TMEM108: variants seen among roughly 807,000 people sequenced by gnomAD.
TMEM108 encodes cancer/testis antigen 124.
TMEM108 carries 12 observed loss-of-function variants against 35.1 expected under a neutral mutation model. The ratio of observed to expected loss-of-function variants is 0.34; its 90% CI spans 0.22 to 0.55. The LOEUF is 0.55. Among genes scored for constraint, TMEM108 ranks in the 20% least tolerant of loss-of-function variants. The pLI, the probability that TMEM108 is intolerant of heterozygous loss-of-function variation, is 0.89. For synonymous variants in TMEM108, 287 were observed against 308.6 expected, an observed-to-expected ratio of 0.93 and a Z score of 0.73; for missense variants, 680 against 753.3, an observed-to-expected ratio of 0.90 and a Z score of 1.14.
intron 2 of TMEM108, among the ~76,000 whole-genome samples, chr3:133,205,599 A>C (rs1429587459): frequency 6.6e-6 from 1 of 151,944 alleles, no homozygotes; most frequent in East Asian, 1.9e-4. Flanking sequence ...CTGGGTTGAA[A>C]ATTCTTTAAG....
intron 4 of TMEM108, 53 bp downstream of exon 4, chr3:133,381,214 A>C: frequency 4.0e-6 from 6 of 1,512,976 alleles, no homozygotes; most frequent in Non-Finnish European, 5.3e-6. Context: ...TCACTGGCTC[A>C]ACCCCAGCAT....
intron 3 of TMEM108, among the ~76,000 whole-genome samples, chr3:133,305,515 A>AAAAT (rs150891344): frequency 0.3 from 45,667 of 150,918 alleles, 7,592 homozygotes; most frequent in East Asian, 0.43. Context: ...AAAGTATAAT[A>AAAAT]AAATAAATAA....
intron 2 of TMEM108, among the ~76,000 whole-genome samples, chr3:133,169,350 T>C (rs1018008647): frequency 1.9e-5 from 2 of 103,750 alleles, no homozygotes; most frequent in African/African-American, 7.1e-5. Context: ...CATGTATTTC[T>C]TTTGTAGTCA....
At chr3:133,329,991 G>A (rs1210695210) in intron 3 of TMEM108, among the ~76,000 whole-genome samples, 1 of 152,072 alleles carries the variant, frequency 6.6e-6, no homozygotes, top group Non-Finnish European at 1.5e-5. Context: ...GTTTCCACCT[G>A]TCTTTTTATG....
At chr3:133,077,669 C>T (rs1336317089) in intron 2 of TMEM108, among the ~76,000 whole-genome samples, 1 of 152,182 alleles carries the variant, frequency 6.6e-6, no homozygotes, top group Non-Finnish European at 1.5e-5. Flanking sequence ...AAGCACTTTC[C>T]CTTTTCTGTT....
intron 2 of TMEM108, among the ~76,000 whole-genome samples, chr3:133,101,393 C>G (rs932226393): frequency 1.3e-5 from 2 of 152,222 alleles, no homozygotes; most frequent in African/African-American, 4.8e-5. Flanking sequence ...TCTCCAAGCA[C>G]TTTCCATATT....
chr3:133,077,172 G>A (rs941014752), intron 2 of TMEM108, among the ~76,000 whole-genome samples: 30 of 152,194 alleles, frequency 2.0e-4, no homozygotes, highest in African/African-American at 6.0e-4. Flanking sequence ...GTACCTGGCC[G>A]TTTGGGGCTG....
chr3:133,307,864 A>G (rs58632460), intron 3 of TMEM108, among the ~76,000 whole-genome samples: 1,922 of 152,208 alleles, frequency 0.013, 48 homozygotes, highest in African/African-American at 0.043. Flanking sequence ...GTTTCATATG[A>G]ACTTTAAAGT....
At chr3:133,058,607 G>T (rs1943501139) in intron 2 of TMEM108, among the ~76,000 whole-genome samples, 2 of 152,250 alleles carry the variant, frequency 1.3e-5, no homozygotes, top group Admixed American at 1.3e-4. Context: ...GAACGCACTT[G>T]AGGGGTGAGA....
At chr3:133,202,007 T>C (rs760306019) in intron 2 of TMEM108, among the ~76,000 whole-genome samples, 15 of 152,230 alleles carry the variant, frequency 9.9e-5, no homozygotes, top group South Asian at 8.3e-4. Flanking sequence ...TGGCATGATA[T>C]GATATCTCAT....
intron 2 of TMEM108, among the ~76,000 whole-genome samples, chr3:133,177,255 A>T (rs899501642): frequency 1.2e-4 from 18 of 152,206 alleles, no homozygotes; most frequent in African/African-American, 4.3e-4. Context: ...AGCTGGTACC[A>T]TTCCTTCTGA....
intron 2 of TMEM108, among the ~76,000 whole-genome samples, chr3:133,134,790 TTC>T (rs1224618585): frequency 6.6e-6 from 1 of 152,044 alleles, no homozygotes; most frequent in Non-Finnish European, 1.5e-5. Context: ...ACCTCCCCGC[TTC>T]TGAGTCTGTA....
chr3:133,079,906 T>G (rs1326109300), intron 2 of TMEM108, among the ~76,000 whole-genome samples: 1 of 152,112 alleles, frequency 6.6e-6, no homozygotes, highest in Non-Finnish European at 1.5e-5. Context: ...TAAAGGAGCT[T>G]CTGGGTGGAG....
chr3:133,158,181 T>C (rs962158239), intron 2 of TMEM108, among the ~76,000 whole-genome samples: 5 of 152,038 alleles, frequency 3.3e-5, no homozygotes, highest in Non-Finnish European at 5.9e-5. Flanking sequence ...TAGAAACTGG[T>C]TAGATGGGCT....
chr3:133,041,880 A>C (rs1943280607), intron 1 of TMEM108: 1 of 152,230 alleles, frequency 6.6e-6, no homozygotes, highest in Non-Finnish European at 1.5e-5. Context: ...TGAAGACAGC[A>C]GTGAGAGTAT....
In TMEM108 at chr3:133,258,461, G is replaced by A. The variant is rs182092649; in HGVS notation, c.40+29110G>A. Reference sequence around the variant, plus strand: ...AGGAGCCAGCTGCCCACACCACCTCGCTTTTGATAAAGTTGGATGGAGGGG... The same window carrying A: ...AGGAGCCAGCTGCCCACACCACCTCACTTTTGATAAAGTTGGATGGAGGGG... On this transcript the variant is annotated intron_variant, in intron 3 of 5. Coordinates refer to ENST00000321871, the MANE Select transcript of TMEM108 (RefSeq NM_023943.4). Among the ~76,000 whole-genome samples, 1,237 of 152,286 alleles carry A rather than the reference G, an allele frequency of 8.1e-3. 3 individuals carry two copies. Among genetic ancestry groups the A allele is most frequent in the Non-Finnish European group, 9.6e-3 (650 of 68,020 alleles).
At chr3:133,329,031 G>C (rs2071363602) in intron 3 of TMEM108, among the ~76,000 whole-genome samples, 2 of 151,464 alleles carry the variant, frequency 1.3e-5, no homozygotes, top group African/African-American at 4.9e-5. Flanking sequence ...ACCCCTGCAG[G>C]CTGCCTAAGA....
At chr3:133,342,556 A>ATATATATATATATATATATATATACACC in intron 3 of TMEM108, among the ~76,000 whole-genome samples, 1 of 47,452 alleles carries the variant, frequency 2.1e-5, no homozygotes, top group Middle Eastern at 9.4e-3. Context: ...ATATATATAT[A>ATATATATATATATATATATATATACACC]CACACACACA....
chr3:133,394,702 C>T (rs1473132737), intron 5 of TMEM108, among the ~76,000 whole-genome samples: 1 of 152,202 alleles, frequency 6.6e-6, no homozygotes, highest in African/African-American at 2.4e-5. Flanking sequence ...ATGGCTGGCC[C>T]CATATCCACC....
Sources: gnomAD v4.1 joint callset for allele counts (sites outside exome capture counted in the v4.1 genomes callset) on GRCh38, gnomAD v4.1.1 for gene constraint, MANE v1.5 for transcripts, NCBI Gene and HGNC (gene_info 2026-07-23, HGNC 2026-07-21) for gene names.